The following GPC6 variants were observed in gnomAD, a reference collection of about 807,000 sequenced individuals.
GPC6 encodes glypican-6.
In GPC6, 14 loss-of-function variants were observed where a neutral mutation model predicts 55.2. The ratio of observed to expected loss-of-function variants is 0.25; its 90% CI spans 0.17 to 0.40. The LOEUF (loss-of-function observed/expected upper bound fraction) is 0.40. Among genes scored for constraint, GPC6 ranks in the 10% least tolerant of loss-of-function variants. The pLI is 1.00. For synonymous variants in GPC6, 278 were observed against 259.6 expected (o/e 1.07, Z -0.68); for missense variants, 641 against 708.5 (o/e 0.90, Z 1.08).
chr13:93,924,366 A>G (rs1034324934), intron 3 of GPC6, among the ~76,000 whole-genome samples: 1 of 152,178 alleles, frequency 6.6e-6, no homozygotes, highest in Admixed American at 6.5e-5. Flanking sequence ...AGCTATTACA[A>G]TCGTCTGCGT....
At chr13:93,414,914 A>G (rs1206812194) in intron 1 of GPC6, among the ~76,000 whole-genome samples, 1 of 152,208 alleles carries the variant, frequency 6.6e-6, no homozygotes, top group African/African-American at 2.4e-5. Flanking sequence ...ACAATGAACA[A>G]AAGAACACAA....
chr13:94,066,595 G>A (rs979512795), intron 4 of GPC6, among the ~76,000 whole-genome samples: 1 of 152,158 alleles, frequency 6.6e-6, no homozygotes, highest in African/African-American at 2.4e-5. Context: ...AGATAACGTT[G>A]TCCTCACTAA....
chr13:93,865,957 A>G (rs1039646185), intron 3 of GPC6, among the ~76,000 whole-genome samples: 4 of 151,702 alleles, frequency 2.6e-5, no homozygotes, highest in Non-Finnish European at 3.0e-5. Flanking sequence ...ACCAAAAGTC[A>G]TAGACCAAAA....
At chr13:93,265,789 C>CT (rs895373965) in intron 1 of GPC6, among the ~76,000 whole-genome samples, 1 of 141,886 alleles carries the variant, frequency 7.0e-6, no homozygotes, top group African/African-American at 2.7e-5. Context: ...TCTTTTATTT[C>CT]TTTTTTTTCT....
At chr13:93,519,403 T>A (rs1045615127) in intron 1 of GPC6, among the ~76,000 whole-genome samples, 16 of 151,988 alleles carry the variant, frequency 1.1e-4, no homozygotes, top group African/African-American at 3.6e-4. Context: ...ACATTAGCAA[T>A]GTACAAAAAG....
At chr13:93,532,591 T>C (rs1171885850) in intron 1 of GPC6, among the ~76,000 whole-genome samples, 1 of 152,212 alleles carries the variant, frequency 6.6e-6, no homozygotes, top group African/African-American at 2.4e-5. Flanking sequence ...CTTTCTGCTT[T>C]CTAAGACTGC....
intron 7 of GPC6, among the ~76,000 whole-genome samples, chr13:94,390,884 A>G (rs1244225007): frequency 7.2e-5 from 2 of 27,852 alleles, no homozygotes; most frequent in Admixed American, 3.5e-4. Flanking sequence ...TGCAAATGGG[A>G]AAAAAAAAAT....
At chr13:94,048,622 C>T (rs941662152) in intron 4 of GPC6, among the ~76,000 whole-genome samples, 3 of 151,558 alleles carry the variant, frequency 2.0e-5, no homozygotes, top group Admixed American at 6.6e-5. Context: ...AAAAAAAAAA[C>T]GAAGAGACAG....
rs138068759 is a variant in GPC6, at chr13:93,774,166, C to G, written c.320-55988C>G. ...TCCAGATATGTATAGACCAATTTGC[C>G]AGCCAGGTGTCGTTTTTCCTGTAGG... On this transcript the variant is annotated intron_variant, in intron 2 of 8. Coordinates refer to ENST00000377047, the MANE Select transcript of GPC6 (RefSeq NM_005708.5). Among the ~76,000 whole-genome samples the G allele has an allele frequency of 2.6e-5, 4 of 152,280 alleles. No individual in the cohort carries two copies. In the East Asian group the frequency reaches 7.7e-4, roughly 29 times the overall value.
At chr13:93,239,559 T>A (rs1295894091) in intron 1 of GPC6, among the ~76,000 whole-genome samples, 1 of 151,990 alleles carries the variant, frequency 6.6e-6, no homozygotes, top group Non-Finnish European at 1.5e-5. Context: ...TAGTGATTTA[T>A]CAATTTTATC....
chr13:93,330,076 G>T (rs955595698), intron 1 of GPC6, among the ~76,000 whole-genome samples: 1 of 152,148 alleles, frequency 6.6e-6, no homozygotes, highest in Admixed American at 6.6e-5. Flanking sequence ...GAAGAGAAAA[G>T]CTCATAGTGT....
At chr13:93,405,740 CAG>C (rs1264116862) in intron 1 of GPC6, among the ~76,000 whole-genome samples, 2 of 151,858 alleles carry the variant, frequency 1.3e-5, no homozygotes. Flanking sequence ...AACAATAAAA[CAG>C]AGATATGTTA....
intron 2 of GPC6, among the ~76,000 whole-genome samples, chr13:93,756,146 A>T (rs1417788527): frequency 6.6e-6 from 1 of 152,122 alleles, no homozygotes; most frequent in Non-Finnish European, 1.5e-5. Flanking sequence ...CATCACTGGG[A>T]TTCTACGTAG....
At chr13:94,277,343 T>C (rs1199191976) in intron 4 of GPC6, among the ~76,000 whole-genome samples, 1 of 152,138 alleles carries the variant, frequency 6.6e-6, no homozygotes, top group African/African-American at 2.4e-5. Flanking sequence ...CTTTGTCAGA[T>C]GGGTAGATTG....
Position 93,961,016 on chromosome 13 carries a change from G to A in GPC6, c.712-66713G>A, listed in dbSNP as rs180790617. Among the ~76,000 whole-genome samples the A allele has an allele frequency of 6.3e-3, 963 of 151,816 alleles. 13 individuals carry two copies. The highest frequency in any genetic ancestry group is 0.022 in the African/African-American group (917 of 41,432). ...TTTTTAGTAGAGGCGGGGTTTCACC[G>A]TGTTAGCCAGGATGGTCTGGATCTC... On this transcript the variant is annotated intron_variant, in intron 3 of 8. Transcript: ENST00000377047.
At chr13:93,689,312 C>T (rs1462584279) in intron 2 of GPC6, among the ~76,000 whole-genome samples, 1 of 152,074 alleles carries the variant, frequency 6.6e-6, no homozygotes, top group African/African-American at 2.4e-5. Flanking sequence ...TTTACTACTT[C>T]TCAGATATGT....
chr13:93,272,613 A>G (rs1302952736), intron 1 of GPC6, among the ~76,000 whole-genome samples: 1 of 151,810 alleles, frequency 6.6e-6, no homozygotes, highest in Non-Finnish European at 1.5e-5. Flanking sequence ...GGTTTTGAAG[A>G]TTATTAAATA....
chr13:93,352,449 T>C (rs1473260424), intron 1 of GPC6, among the ~76,000 whole-genome samples: 1 of 152,214 alleles, frequency 6.6e-6, no homozygotes, highest in African/African-American at 2.4e-5. Context: ...CAATTGAAAT[T>C]CTATTTAGCT....
chr13:93,953,044 C>G (rs1011007567), intron 3 of GPC6, among the ~76,000 whole-genome samples: 15 of 151,840 alleles, frequency 9.9e-5, no homozygotes, highest in Non-Finnish European at 7.4e-5. Flanking sequence ...CTCCCCTTCT[C>G]ATCTTGCCCA....
Sources: gnomAD v4.1 joint callset for allele counts (sites outside exome capture counted in the v4.1 genomes callset) on GRCh38, gnomAD v4.1.1 for gene constraint, MANE v1.5 for transcripts, NCBI Gene and HGNC (gene_info 2026-07-23, HGNC 2026-07-21) for gene names.